The following PDE8B variants were observed in gnomAD, a reference collection of about 807,000 sequenced individuals.
The protein encoded by PDE8B is phosphodiesterase 8B, also known as high affinity cAMP-specific and IBMX-insensitive 3',5'-cyclic phosphodiesterase 8B.
PDE8B carries 26 observed loss-of-function variants against 101.3 expected under a neutral mutation model. The ratio of observed to expected loss-of-function variants is 0.26; its 90% CI spans 0.19 to 0.36. PDE8B has a LOEUF of 0.36. Ranked by LOEUF, PDE8B falls within the 10% of genes least tolerant of loss-of-function variation. The pLI, the probability that PDE8B is intolerant of heterozygous loss-of-function variation, is 1.00. For missense variants in PDE8B, 810 were observed against 1,163.1 expected (o/e 0.70, Z 4.42); for synonymous variants, 424 against 429.3 (o/e 0.99, Z 0.15).
chr5:77,112,345 T>G, the PDE8B span: 5 of 152,206 alleles, frequency 3.3e-5, no homozygotes, highest in African/African-American at 1.2e-4. Flanking sequence ...ATTATCTGAT[T>G]ACCAAGAGAC....
intron 10 of PDE8B, among the ~76,000 whole-genome samples, chr5:77,396,242 CTT>C (rs1218362122): frequency 2.6e-5 from 4 of 152,206 alleles, no homozygotes; most frequent in South Asian, 4.1e-4. Flanking sequence ...CATTGACTAC[CTT>C]CTTGGCAACC....
chr5:77,287,368 T>A (rs1240267009), intron 1 of PDE8B, among the ~76,000 whole-genome samples: 2 of 152,146 alleles, frequency 1.3e-5, no homozygotes, highest in Non-Finnish European at 2.9e-5. Context: ...TCCTTGGCTA[T>A]TTTTAAACGT....
intron 1 of PDE8B, among the ~76,000 whole-genome samples, chr5:77,266,600 A>C (rs907005537): frequency 6.6e-6 from 1 of 152,226 alleles, no homozygotes; most frequent in African/African-American, 2.4e-5. Flanking sequence ...AACAGAAACC[A>C]ACATAGAGCA....
the PDE8B span, among the ~76,000 whole-genome samples, chr5:77,156,288 T>G: frequency 6.6e-6 from 1 of 152,142 alleles, no homozygotes; most frequent in Non-Finnish European, 1.5e-5. Flanking sequence ...AATTAACTAT[T>G]GTGATTTGTT....
intron 10 of PDE8B, among the ~76,000 whole-genome samples, chr5:77,374,721 C>T (rs146593224): frequency 1.6e-4 from 25 of 152,312 alleles, no homozygotes; most frequent in Middle Eastern, 3.4e-3. Flanking sequence ...GCCTTAAATG[C>T]ATGTGTTTTA....
At chr5:77,384,826 C>A (rs1266208564) in intron 10 of PDE8B, among the ~76,000 whole-genome samples, 1 of 152,164 alleles carries the variant, frequency 6.6e-6, no homozygotes, top group Non-Finnish European at 1.5e-5. Flanking sequence ...ATGAAGCCAA[C>A]CTGATCGTGG....
intron 10 of PDE8B, among the ~76,000 whole-genome samples, chr5:77,381,655 TACTA>T (rs1380959926): frequency 1.3e-5 from 2 of 152,142 alleles, no homozygotes; most frequent in African/African-American, 4.8e-5. Context: ...GAACACATCA[TACTA>T]AGAGGGATGT....
chr5:77,268,234 T>A (rs192834539), intron 1 of PDE8B, among the ~76,000 whole-genome samples: 1 of 152,258 alleles, frequency 6.6e-6, no homozygotes, highest in Admixed American at 6.5e-5. Context: ...TTAATTTTTG[T>A]GGGTATATGG....
chr5:77,132,212 G>T, the PDE8B span, among the ~76,000 whole-genome samples: 2 of 152,030 alleles, frequency 1.3e-5, no homozygotes, highest in Non-Finnish European at 2.9e-5. Context: ...TAAAAGATTT[G>T]CAACCAAATA....
At chr5:77,369,266 C>G (rs1241774802) in intron 10 of PDE8B, among the ~76,000 whole-genome samples, 5 of 141,108 alleles carry the variant, frequency 3.5e-5, no homozygotes, top group Non-Finnish European at 7.7e-5. Flanking sequence ...AAAACATTAA[C>G]CAGAATGTTT....
chr5:77,390,539 G>A (rs190718929), intron 10 of PDE8B, among the ~76,000 whole-genome samples: 28 of 152,300 alleles, frequency 1.8e-4, no homozygotes, highest in Admixed American at 1.8e-3. Context: ...GCTTTTACAA[G>A]AGGAGAAACA....
intron 10 of PDE8B, among the ~76,000 whole-genome samples, chr5:77,375,546 C>T (rs1458219094): frequency 2.0e-5 from 3 of 152,150 alleles, no homozygotes; most frequent in Admixed American, 6.5e-5. Context: ...GAATAGGTCC[C>T]ATGGCTGCAT....
chr5:77,188,510 C>T, the PDE8B span, among the ~76,000 whole-genome samples: 111,864 of 152,108 alleles, frequency 0.74, 42,407 homozygotes, highest in East Asian at 0.96. Context: ...TCTTTAAATA[C>T]GGCATGCACT....
intron 10 of PDE8B, among the ~76,000 whole-genome samples, chr5:77,372,498 G>T (rs765806452): frequency 6.6e-6 from 1 of 152,180 alleles, no homozygotes; most frequent in Non-Finnish European, 1.5e-5. Context: ...TAAGACAGGT[G>T]TTATCACTTC....
At chr5:77,267,350 G>A (rs1761932656) in intron 1 of PDE8B, among the ~76,000 whole-genome samples, 2 of 151,640 alleles carry the variant, frequency 1.3e-5, no homozygotes, top group South Asian at 4.2e-4. Flanking sequence ...TGAGGCAGGA[G>A]AATTGCTTGA....
chr5:77,294,586 C>T (rs377194036), intron 1 of PDE8B, among the ~76,000 whole-genome samples: 7 of 150,666 alleles, frequency 4.6e-5, no homozygotes, highest in Admixed American at 1.3e-4. Flanking sequence ...TTAAAAAAAA[C>T]ACAGGTTACA....
In PDE8B at chr5:77,426,880, C is replaced by T. The variant is rs1440650281; in HGVS notation, c.*326C>T. The T allele has an allele frequency of 2.9e-6, 1 of 350,362 alleles. No homozygotes were observed. Among genetic ancestry groups the T allele is most frequent in the Non-Finnish European group, 5.5e-6 (1 of 182,734 alleles). The allele number at this position is 350,362 out of a possible 1,614,324, so 21.7% of individuals were successfully genotyped here. On this transcript the variant is annotated 3_prime_UTR_variant, in exon 22 of 22. Coordinates refer to ENST00000264917, the MANE Select transcript of PDE8B (RefSeq NM_003719.5). ...GGCCACAGGAAGCAAAGCCTTGGTG[C>T]CTGTGAGCTCATCTCCCAGGATGGT...
the PDE8B span, among the ~76,000 whole-genome samples, chr5:77,116,207 T>TAC: frequency 7.1e-3 from 547 of 76,728 alleles, 4 homozygotes; most frequent in Non-Finnish European, 0.011. Flanking sequence ...AGTTCTTCTA[T>TAC]ATATATATAT....
chr5:77,210,504 A>T (rs1347770956), upstream of PDE8B: 2 of 410,550 alleles, frequency 4.9e-6, no homozygotes, highest in Admixed American at 6.5e-5. The surrounding 1 kb of genome is among the most constrained non-coding windows in gnomAD (Gnocchi z 4.9). Context: ...AGGTGCAGGC[A>T]GGCGGGCAGG....
Sources: allele counts gnomAD v4.1 joint callset (sites outside exome capture counted in the v4.1 genomes callset), GRCh38; gene constraint gnomAD v4.1.1; non-coding constraint Gnocchi (gnomAD v3.1); transcripts MANE v1.5; gene names NCBI Gene and HGNC (gene_info 2026-07-23, HGNC 2026-07-21).